ILDR2: variants seen among roughly 807,000 people sequenced by gnomAD.
ILDR2 encodes the protein immunoglobulin like domain containing receptor 2.
A neutral mutation model predicts 66.8 loss-of-function variants in ILDR2; 25 were observed. The observed-to-expected ratio is 0.37, with a 90% CI of 0.27 to 0.52. The LOEUF (loss-of-function observed/expected upper bound fraction) is 0.52, where lower values mean the gene tolerates loss of function less well. ILDR2 is among the 20% of genes least tolerant of loss of function. The pLI, the probability that ILDR2 is intolerant of heterozygous loss-of-function variation, is 0.88. For missense variants in ILDR2, 827 were observed against 876.8 expected (o/e 0.94, Z 0.72); for synonymous variants, 367 against 357.2 (o/e 1.03, Z -0.31).
rs536477037 is a variant in ILDR2 at position 166,965,581 on chromosome 1, T to G, written c.47-7480A>C. Among the ~76,000 whole-genome samples the G allele has an allele frequency of 1.4e-4, 21 of 146,426 alleles. 1 individual carries two copies. In the South Asian group the frequency reaches 1.5e-3, roughly 11 times the overall value. On this transcript the variant is annotated intron_variant, in intron 1 of 9. Coordinates refer to ENST00000271417, the MANE Select transcript of ILDR2 (RefSeq NM_199351.3). The stretch of plus-strand genomic sequence containing the variant: ...TCAAGTTAGGTTTTGTTTTTTTTTT[T>G]GTTTTTTTTTTGACAGGGTCTCTCT...
In ILDR2 at chr1:166,922,611, C is replaced by T. The variant is rs368620410; in HGVS notation, c.1193G>A (p.Arg398Gln). The change falls in exon 8 of 10, where the codon CGA becomes CAA. Residue 398 changes from arginine to glutamine, a missense_variant. Arg to Gln is a conservative substitution (Grantham distance 43). Coordinates refer to ENST00000271417, the MANE Select transcript of ILDR2 (RefSeq NM_199351.3). ...PSAMEYNKED[R>Q]ESFRHSQPRS... ...CCATCACCTGTGCCTGAAGCTCTCT[C>T]GATCCTCTTTGTTATACTCCATGGC... The T allele has an allele frequency of 6.8e-6, 11 of 1,613,822 alleles. No individual in the cohort carries two copies. In the African/African-American group the frequency reaches 1.1e-4, roughly 16 times the overall value.
At chr1:166,898,402 C>T (rs1659206605) in intron 2 of ILDR2, among the ~76,000 whole-genome samples, 1 of 152,186 alleles carries the variant, frequency 6.6e-6, no homozygotes, top group Non-Finnish European at 1.5e-5. Context: ...TACCAAAACT[C>T]CACCCCAAAG....
rs1228789396 is a variant in ILDR2, at chr1:166,913,583, T to C, written c.*5772A>G. Reference sequence around the variant, plus strand: ...CCCCACCAAGAAACTCTAAGAAAAATTTAGCTAAACTACTATATCTTTTTC... The same window carrying C: ...CCCCACCAAGAAACTCTAAGAAAAACTTAGCTAAACTACTATATCTTTTTC... On this transcript the variant is annotated 3_prime_UTR_variant, in exon 10 of 10. Coordinates refer to ENST00000271417, the MANE Select transcript of ILDR2 (RefSeq NM_199351.3). 6.6e-6 allele frequency: 1 copy of C among 152,116 alleles called. No homozygotes were observed. Among genetic ancestry groups the C allele is most frequent in the Non-Finnish European group, 1.5e-5 (1 of 68,002 alleles). 9.4% of individuals were successfully genotyped at this position (152,116 alleles called of 1,614,324 possible).
At chr1:166,901,773 G>A (rs1006334021) in intron 2 of ILDR2, among the ~76,000 whole-genome samples, 5 of 152,120 alleles carry the variant, frequency 3.3e-5, no homozygotes, top group African/African-American at 1.2e-4. Flanking sequence ...AGTCTCATTG[G>A]TTGCAGACAG....
intron 2 of ILDR2, among the ~76,000 whole-genome samples, chr1:166,897,866 G>C (rs1258836749): frequency 6.6e-6 from 1 of 152,138 alleles, no homozygotes; most frequent in African/African-American, 2.4e-5. Flanking sequence ...TCCATAAGTT[G>C]TTCTAATAAA....
intron 6 of ILDR2, among the ~76,000 whole-genome samples, chr1:166,928,891 T>A (rs1660463633): frequency 6.6e-6 from 1 of 152,242 alleles, no homozygotes; most frequent in African/African-American, 2.4e-5. Context: ...AGAGGTTAGA[T>A]CCATAATCCT....
Position 166,921,535 on chromosome 1 carries a change from T to A in ILDR2, c.1212-156A>T, listed in dbSNP as rs1000334095. The stretch of plus-strand genomic sequence containing the variant: ...GGCTGGATGAAGCATTCCAGGCTCC[T>A]CTCACACCCCAGAACGTCAAGTAGG... On this transcript the variant is annotated intron_variant, in intron 8 of 9. Coordinates refer to ENST00000271417, the MANE Select transcript of ILDR2 (RefSeq NM_199351.3). This position sits in a 1 kb window ranked among gnomAD's most constrained non-coding sequence, Gnocchi z 5.3. 6.6e-6 allele frequency among the ~76,000 whole-genome samples: 1 copy of A among 152,176 alleles called. No homozygotes were observed. Among genetic ancestry groups the A allele is most frequent in the Non-Finnish European group, 1.5e-5 (1 of 68,024 alleles).
At chr1:166,967,969 T>C (rs562910299) in intron 1 of ILDR2, among the ~76,000 whole-genome samples, 13 of 152,152 alleles carry the variant, frequency 8.5e-5, no homozygotes, top group Admixed American at 1.3e-4. Flanking sequence ...GAGGATCTCA[T>C]TGTGTCTCGC....
chr1:166,930,862 TG>T (rs1337827448), intron 6 of ILDR2, among the ~76,000 whole-genome samples: 16 of 152,236 alleles, frequency 1.1e-4, no homozygotes. Context: ...GATTTTTATC[TG>T]TAATTTGTCT....
At chr1:166,964,840 A>G (rs1036037443) in intron 1 of ILDR2, among the ~76,000 whole-genome samples, 9 of 152,242 alleles carry the variant, frequency 5.9e-5, no homozygotes, top group African/African-American at 1.9e-4. Flanking sequence ...TTCTTGCAAG[A>G]ATAACAAACA....
At chr1:166,949,350 G>A (rs1661833510) in intron 3 of ILDR2, among the ~76,000 whole-genome samples, 1 of 152,192 alleles carries the variant, frequency 6.6e-6, no homozygotes, top group South Asian at 2.1e-4. Context: ...ATATCTTCTT[G>A]TATTGTTCTC....
intron 1 of ILDR2, among the ~76,000 whole-genome samples, chr1:166,974,765 T>G (rs1403003756): frequency 6.6e-6 from 1 of 152,026 alleles, no homozygotes; most frequent in Non-Finnish European, 1.5e-5. Context: ...GGGAAGAAAT[T>G]AAGGAGACAG....
chr1:166,948,812 T>G (rs536749234), intron 3 of ILDR2, among the ~76,000 whole-genome samples: 6 of 152,234 alleles, frequency 3.9e-5, no homozygotes, highest in African/African-American at 1.4e-4. Context: ...TCCCTCAGAT[T>G]AGAGATGAAA....
At position 166,921,417 on chromosome 1, in the gene ILDR2, C is replaced by T. The variant is rs1037181378; in HGVS notation, c.1212-38G>A. The T allele has an allele frequency of 6.7e-7, 1 of 1,489,168 alleles. No individual in the cohort carries two copies. Among genetic ancestry groups the T allele is most frequent in the East Asian group, 2.3e-5 (1 of 42,918 alleles). 92.2% of individuals were successfully genotyped at this position (1,489,168 alleles called of 1,614,324 possible). On this transcript the variant is annotated intron_variant, in intron 8 of 9. Coordinates refer to ENST00000271417, the MANE Select transcript of ILDR2 (RefSeq NM_199351.3). This position sits in a 1 kb window ranked among gnomAD's most constrained non-coding sequence, Gnocchi z 5.3. ...AAGGAGGGGGTCAGACGGCCGGTCC[C>T]TCCCTGGAGCTCCAGGTAGGGCTCC... is the stretch of plus-strand genomic sequence containing the variant.
chr1:166,898,634 T>C (rs1011803348), intron 2 of ILDR2, among the ~76,000 whole-genome samples: 4 of 152,252 alleles, frequency 2.6e-5, no homozygotes, highest in Admixed American at 2.6e-4. Context: ...AAGCTTTGCA[T>C]ATTATTTCTC....
Position 166,920,922 on chromosome 1 carries a change from G to A in ILDR2, c.1669C>T (p.Gln557Ter). Residue 557 changes from glutamine to a stop codon, truncating the protein, a stop_gained, in exon 9 of 10, where the codon CAG (glutamine) becomes TAG (stop). Coordinates refer to ENST00000271417, the MANE Select transcript of ILDR2 (RefSeq NM_199351.3). LOFTEE classifies it high-confidence loss of function. ...TAGGAGGCGCTGCGCGGGCCGAGCT[G>A]CGCGCTCCGCTTGGATGGCGTCTCC... Reference protein sequence around the residue: ...SLETPSKRSAQLGPRSASYYA... With the variant: ...SLETPSKRSA The A allele has an allele frequency of 6.8e-7, 1 of 1,477,576 alleles. No homozygotes were observed. The highest frequency in any genetic ancestry group is 8.9e-7 in the Non-Finnish European group (1 of 1,121,488). 91.5% of individuals were successfully genotyped at this position (1,477,576 alleles called of 1,614,324 possible).
chr1:166,922,549 C>A, intron 8 of ILDR2, 44 bp downstream of exon 8: 1 of 1,539,934 alleles, frequency 6.5e-7, no homozygotes, highest in African/African-American at 1.4e-5. Flanking sequence ...CCTTCCAGCT[C>A]CTGCCCCCTC....
At chr1:166,944,217 T>C (rs959522759) in intron 3 of ILDR2, among the ~76,000 whole-genome samples, 10 of 152,262 alleles carry the variant, frequency 6.6e-5, no homozygotes, top group Admixed American at 5.2e-4. Flanking sequence ...ACTGCCACTT[T>C]TGAAGTTATC....
intron 6 of ILDR2, among the ~76,000 whole-genome samples, chr1:166,928,551 C>G (rs1660441901): frequency 6.6e-6 from 1 of 152,156 alleles, no homozygotes. Flanking sequence ...TCCCTGTTCC[C>G]AAAGTGGGGC....
Sources: allele counts gnomAD v4.1 joint callset (sites outside exome capture counted in the v4.1 genomes callset), GRCh38; gene constraint gnomAD v4.1.1; non-coding constraint Gnocchi (gnomAD v3.1); transcripts MANE v1.5; gene names NCBI Gene and HGNC (gene_info 2026-07-23, HGNC 2026-07-21).